The following PSD3 variants were observed in gnomAD, a reference collection of about 807,000 sequenced individuals.
PSD3 encodes pleckstrin and Sec7 domain containing 3.
PSD3 carries 49 observed loss-of-function variants against 105.5 expected under a neutral mutation model. The observed-to-expected ratio is 0.46, with a 90% CI of 0.37 to 0.59. PSD3 has a LOEUF of 0.59. PSD3 is among the 20% of genes least tolerant of loss of function. PSD3 has a pLI of 0.00. For missense variants in PSD3, 1,561 were observed against 1,263.8 expected (o/e 1.24, Z -3.57); for synonymous variants, 557 against 457.8 (o/e 1.22, Z -2.77).
At chr8:19,082,679 C>A (rs947173196) in intron 1 of PSD3, among the ~76,000 whole-genome samples, 5 of 152,196 alleles carry the variant, frequency 3.3e-5, no homozygotes, top group Non-Finnish European at 7.3e-5. Flanking sequence ...TTCAGCTTAT[C>A]CCCCGAAGGC....
chr8:19,073,214 G>T (rs1829330633), intron 1 of PSD3, among the ~76,000 whole-genome samples: 1 of 152,170 alleles, frequency 6.6e-6, no homozygotes, highest in Admixed American at 6.6e-5. Flanking sequence ...AAGGGATGAG[G>T]TGGGGAATTA....
chr8:18,765,632 A>T (rs1314625763), intron 8 of PSD3, 94 bp from the exon 9 acceptor site: 1 of 1,143,834 alleles, frequency 8.7e-7, no homozygotes, highest in Non-Finnish European at 1.3e-6. Context: ...ATTTGTTTCT[A>T]AAAACATAAC....
chr8:18,730,619 T>C (rs968584400), intron 9 of PSD3, among the ~76,000 whole-genome samples: 3 of 152,216 alleles, frequency 2.0e-5, no homozygotes, highest in Non-Finnish European at 4.4e-5. Flanking sequence ...TCACTTTCTA[T>C]GTGCCAGATA....
At chr8:18,850,790 T>C (rs1374958814) in intron 4 of PSD3, among the ~76,000 whole-genome samples, 2 of 152,188 alleles carry the variant, frequency 1.3e-5, no homozygotes, top group Admixed American at 1.3e-4. Flanking sequence ...AGTCTCACCA[T>C]CAATAGCAGA....
At chr8:18,997,601 C>T (rs939873079) in intron 1 of PSD3, among the ~76,000 whole-genome samples, 2 of 152,002 alleles carry the variant, frequency 1.3e-5, no homozygotes, top group African/African-American at 4.8e-5. Flanking sequence ...CACTCTCAGT[C>T]CAAACCGAAG....
chr8:18,994,962 C>G (rs1208561188), intron 1 of PSD3, among the ~76,000 whole-genome samples: 1 of 151,594 alleles, frequency 6.6e-6, no homozygotes, highest in Non-Finnish European at 1.5e-5. Flanking sequence ...TTTTTAAGTA[C>G]CGCGTCCAGT....
chr8:19,071,525 T>C (rs1371813303), intron 1 of PSD3, among the ~76,000 whole-genome samples: 1 of 152,066 alleles, frequency 6.6e-6, no homozygotes, highest in Non-Finnish European at 1.5e-5. Context: ...GGGAAGGCTG[T>C]TGAGAATCCT....
At chr8:18,755,944 G>T (rs368095084) in intron 9 of PSD3, among the ~76,000 whole-genome samples, 59 of 152,220 alleles carry the variant, frequency 3.9e-4, no homozygotes, top group Middle Eastern at 3.4e-3. Context: ...CACGGGGAGG[G>T]CAGAAGCGGA....
chr8:19,049,056 C>T (rs1410701108), intron 1 of PSD3, among the ~76,000 whole-genome samples: 1 of 152,114 alleles, frequency 6.6e-6, no homozygotes, highest in East Asian at 1.9e-4. Flanking sequence ...TCCAATATGA[C>T]CTCATTTTGC....
chr8:18,944,930 G>T (rs1822769360), intron 1 of PSD3, among the ~76,000 whole-genome samples: 1 of 152,026 alleles, frequency 6.6e-6, no homozygotes, highest in Non-Finnish European at 1.5e-5. Context: ...ATCTGCCCTA[G>T]AATGAGCCAT....
At chr8:18,739,951 G>T (rs2129434193) in intron 9 of PSD3, among the ~76,000 whole-genome samples, 1 of 152,276 alleles carries the variant, frequency 6.6e-6, no homozygotes, top group Non-Finnish European at 1.5e-5. Context: ...ATTTCTAAAA[G>T]AAATGTCAAG....
chr8:18,893,770 T>C (rs1818967665), intron 2 of PSD3, among the ~76,000 whole-genome samples: 1 of 150,226 alleles, frequency 6.7e-6, no homozygotes, highest in Non-Finnish European at 1.5e-5. Flanking sequence ...GGGTAAAGGA[T>C]TTCTTTTAGA....
intron 11 of PSD3, among the ~76,000 whole-genome samples, chr8:18,619,206 G>A (rs576442687): frequency 2.0e-5 from 3 of 152,080 alleles, no homozygotes; most frequent in African/African-American, 7.2e-5. Flanking sequence ...TGCCTGCCAC[G>A]ATGGGATGGA....
At chr8:18,823,773 AACACACTCACAC>A (rs149014993) in intron 4 of PSD3, among the ~76,000 whole-genome samples, 9,086 of 134,750 alleles carry the variant, frequency 0.067, 363 homozygotes, top group Middle Eastern at 0.097. Context: ...CTTTATCTTA[AACACACTCACAC>A]ACACACACAC....
At chr8:19,019,753 C>A (rs1302432963) in intron 1 of PSD3, among the ~76,000 whole-genome samples, 1 of 152,174 alleles carries the variant, frequency 6.6e-6, no homozygotes, top group South Asian at 2.1e-4. Flanking sequence ...TGAGAGAATA[C>A]GTCTGACACA....
chr8:18,788,668 T>A (rs1399385897), intron 8 of PSD3, among the ~76,000 whole-genome samples: 3 of 152,154 alleles, frequency 2.0e-5, no homozygotes, highest in African/African-American at 7.2e-5. Context: ...GCCCTCATCA[T>A]CCATTGGTAA....
chr8:18,708,365 T>G (rs1375308459), intron 9 of PSD3, among the ~76,000 whole-genome samples: 1 of 152,172 alleles, frequency 6.6e-6, no homozygotes, highest in Non-Finnish European at 1.5e-5. Context: ...TTAACTGCTC[T>G]CTCTCCACTT....
At chr8:18,992,547 C>A (rs931129572) in intron 1 of PSD3, among the ~76,000 whole-genome samples, 1 of 152,158 alleles carries the variant, frequency 6.6e-6, no homozygotes, top group African/African-American at 2.4e-5. Context: ...AGTTGACGAA[C>A]TGAAAGCTTT....
chr8:18,593,130 A>G (rs2130510007), intron 12 of PSD3, among the ~76,000 whole-genome samples: 1 of 152,298 alleles, frequency 6.6e-6, no homozygotes, highest in African/African-American at 2.4e-5. Context: ...AATGGGATCT[A>G]ATTAAACTAA....
Sources: allele counts gnomAD v4.1 joint callset (sites outside exome capture counted in the v4.1 genomes callset), GRCh38; gene constraint gnomAD v4.1.1; transcripts MANE v1.5; gene names NCBI Gene and HGNC (gene_info 2026-07-23, HGNC 2026-07-21).